The following ZGRF1 variants were observed in gnomAD, a reference collection of about 807,000 sequenced individuals.
The protein encoded by ZGRF1 is zinc finger GRF-type containing 1.
ZGRF1 carries 196 observed loss-of-function variants against 203.5 expected under a neutral mutation model. That is an observed-to-expected ratio of 0.96 (90% CI 0.86 to 1.08). The LOEUF (loss-of-function observed/expected upper bound fraction) is 1.08. Among genes scored for constraint, ZGRF1 ranks in the 50% least tolerant of loss-of-function variants. ZGRF1 has a pLI of 0.00. For missense variants in ZGRF1, 2,326 were observed against 2,416.3 expected (o/e 0.96, Z 0.78); for synonymous variants, 809 against 841.3 (o/e 0.96, Z 0.66).
At chr4:112,559,903 A>G (rs558310696) in intron 19 of ZGRF1, among the ~76,000 whole-genome samples, 1 of 152,310 alleles carries the variant, frequency 6.6e-6, no homozygotes, top group Non-Finnish European at 1.5e-5. Flanking sequence ...AAACTGGAGA[A>G]GAGACACTCA....
chr4:112,568,710 T>TG (rs1436502441), intron 16 of ZGRF1, among the ~76,000 whole-genome samples: 1 of 53,218 alleles, frequency 1.9e-5, no homozygotes, highest in Non-Finnish European at 3.7e-5. Flanking sequence ...AAACTCTGTC[T>TG]CAAAAAAAAA....
At chr4:112,624,100 G>C (rs2047150643) in intron 3 of ZGRF1, 3 of 356,372 alleles carry the variant, frequency 8.4e-6, no homozygotes, top group South Asian at 1.6e-4. Context: ...AACCCGCTCG[G>C]GTCCCCTTCC....
At chr4:112,566,521 AAAAT>A (rs1020474370) in intron 16 of ZGRF1, among the ~76,000 whole-genome samples, 16 of 150,036 alleles carry the variant, frequency 1.1e-4, no homozygotes, top group Non-Finnish European at 2.1e-4. Context: ...AAATAAATAA[AAAAT>A]AAATTTTTTA....
At position 112,547,195 on chromosome 4, in the gene ZGRF1, G is replaced by C; in HGVS notation, c.5598+90C>G. 2.3e-6 allele frequency: 3 copies of C among 1,299,408 alleles called. No individual in the cohort carries two copies. The South Asian group carries it at 4.9e-5, about 21-fold the overall frequency. 80.5% of individuals were successfully genotyped at this position (1,299,408 alleles called of 1,614,324 possible). On this transcript the variant is annotated intron_variant, in intron 24 of 27. Coordinates refer to ENST00000505019, the MANE Select transcript of ZGRF1 (RefSeq NM_018392.5). ...ATACATTATTTTAAGGCAGGACTAA[G>C]TCTTCTAATATTTTCATTCTCTATC...
intron 16 of ZGRF1, among the ~76,000 whole-genome samples, chr4:112,566,897 TACC>T (rs1453525526): frequency 6.6e-6 from 1 of 151,622 alleles, no homozygotes; most frequent in Non-Finnish European, 1.5e-5. Context: ...AAATAGGGCC[TACC>T]CATCCATAAG....
intron 9 of ZGRF1, among the ~76,000 whole-genome samples, chr4:112,605,126 G>A (rs1470343589): frequency 6.6e-6 from 1 of 151,258 alleles, no homozygotes; most frequent in Non-Finnish European, 1.5e-5. Flanking sequence ...GATGGGTAAT[G>A]TATACTCCCC....
Position 112,547,346 on chromosome 4 carries a change from C to A in ZGRF1, c.5537G>T (p.Gly1846Val). The A allele has an allele frequency of 6.2e-7, 1 of 1,613,544 alleles. No individual in the cohort carries two copies. The highest frequency in any genetic ancestry group is 1.1e-5 in the South Asian group (1 of 91,020). The change falls in exon 24 of 28, where the codon GGT becomes GTT. Residue 1846 changes from glycine to valine, a missense_variant. Transcript: ENST00000505019. The stretch of plus-strand genomic sequence containing the variant: ...TCCATTTTCATGAGCTGCATCAGAA[C>A]CCTGAATAGTAGGAGGTAGCTGTTT... ...DPKQLPPTIQ[G>V]SDAAHENGLE...
chr4:112,558,899 T>G (rs1031793650), intron 19 of ZGRF1, among the ~76,000 whole-genome samples: 3 of 152,152 alleles, frequency 2.0e-5, no homozygotes, highest in Non-Finnish European at 4.4e-5. Context: ...AGAAAATCTA[T>G]CTCTGTTTTG....
At position 112,579,229 on chromosome 4, in the gene ZGRF1, T is replaced by C. The variant is rs570631107; in HGVS notation, c.4438+2434A>G. ...TTTGACAAAATTCAACAACCGTTCATGCTAAAAACTCTCAATAAGTTAGGT... is the reference window on the plus strand; with the variant it reads ...TTTGACAAAATTCAACAACCGTTCACGCTAAAAACTCTCAATAAGTTAGGT... On this transcript the variant is annotated intron_variant, in intron 16 of 27. Coordinates refer to ENST00000505019, the MANE Select transcript of ZGRF1 (RefSeq NM_018392.5). 1.1e-4 allele frequency among the ~76,000 whole-genome samples: 14 copies of C among 123,426 alleles called. 4 individuals carry two copies. The highest frequency in any genetic ancestry group is 2.2e-4 in the Non-Finnish European group (12 of 55,224). The allele number at this position is 123,426 out of a possible 152,430, so 81.0% of individuals were successfully genotyped here. A position where few individuals can be genotyped will look rare whatever the true frequency, so the allele number is the denominator to read the frequency against.
intron 16 of ZGRF1, among the ~76,000 whole-genome samples, chr4:112,571,444 T>C (rs1310398627): frequency 6.6e-6 from 1 of 152,102 alleles, no homozygotes; most frequent in Non-Finnish European, 1.5e-5. Flanking sequence ...AAATTTAAGA[T>C]AAAAATATTC....
chr4:112,633,273 C>A (rs991062907), intron 1 of ZGRF1, 31 bp from the exon 2 acceptor site: 2 of 996,630 alleles, frequency 2.0e-6, no homozygotes, highest in Admixed American at 2.3e-5. Flanking sequence ...AAATTTCAAC[C>A]CTGATTTTTA....
In ZGRF1 at chr4:112,539,532, T is replaced by A. The variant is rs1433076896; in HGVS notation, c.*15A>T. ...CTGAATTTACATAAATACAAAATAT[T>A]TACACCATGTCTTTTTATGAATGAG... is the stretch of plus-strand genomic sequence containing the variant. On this transcript the variant is annotated 3_prime_UTR_variant, in exon 28 of 28. Coordinates refer to ENST00000505019, the MANE Select transcript of ZGRF1 (RefSeq NM_018392.5). 1 of 1,208,974 alleles carries A rather than the reference T, an allele frequency of 8.3e-7. No homozygotes were observed. Among genetic ancestry groups the A allele is most frequent in the Non-Finnish European group, 1.2e-6 (1 of 845,610 alleles). 74.9% of individuals were successfully genotyped at this position (1,208,974 alleles called of 1,614,324 possible).
chr4:112,568,512 A>G lies in ZGRF1; in HGVS notation c.4439-5238T>C, dbSNP rs186233219. On this transcript the variant is annotated intron_variant, in intron 16 of 27. Transcript: ENST00000505019. ...GATCACCTGAGGTCAGGAGTTCGACACCAGCCTGACCAACATGGTGAAACC... is the reference window on the plus strand; with the variant it reads ...GATCACCTGAGGTCAGGAGTTCGACGCCAGCCTGACCAACATGGTGAAACC... Among the ~76,000 whole-genome samples the G allele has an allele frequency of 4.9e-3, 731 of 150,078 alleles. 1 individual carries two copies. Among genetic ancestry groups the G allele is most frequent in the Non-Finnish European group, 8.4e-3 (567 of 67,606 alleles).
intron 10 of ZGRF1, among the ~76,000 whole-genome samples, chr4:112,592,550 T>A (rs1748358356): frequency 6.6e-6 from 1 of 152,152 alleles, no homozygotes; most frequent in Non-Finnish European, 1.5e-5. Flanking sequence ...TTCACATAAC[T>A]CTCTCTATCC....
intron 3 of ZGRF1, among the ~76,000 whole-genome samples, chr4:112,629,435 C>T (rs12502005): frequency 6.6e-6 from 1 of 152,278 alleles, no homozygotes; most frequent in Admixed American, 6.5e-5. Flanking sequence ...CTTTGGGAGG[C>T]CAAGGCAGGC....
intron 21 of ZGRF1, 125 bp from the exon 22 acceptor site, chr4:112,554,107 G>A: frequency 2.6e-6 from 2 of 773,196 alleles, no homozygotes; most frequent in Non-Finnish European, 4.0e-6. Context: ...CAATGTGCAG[G>A]TTTGTTACAT....
At position 112,619,410 on chromosome 4, in the gene ZGRF1, T is replaced by C. The variant is rs1210494342; in HGVS notation, c.632A>G (p.Asn211Ser). The change falls in exon 6 of 28, where the codon AAT becomes AGT. Residue 211 changes from asparagine (N) to serine (S), a missense_variant. Coordinates refer to ENST00000505019, the MANE Select transcript of ZGRF1 (RefSeq NM_018392.5). Reference protein sequence around the residue: ...QINPEVLCEENYFCSPVNSGN... With the variant: ...QINPEVLCEESYFCSPVNSGN... Reference sequence around the variant, plus strand: ...AGAATTGACAGGTGAGCAAAAATAATTTTCTTCACACAGCACTTCTGGGTT... The same window carrying C: ...AGAATTGACAGGTGAGCAAAAATAACTTTCTTCACACAGCACTTCTGGGTT... 1.2e-6 allele frequency: 2 copies of C among 1,613,258 alleles called. No homozygotes were observed. The highest frequency in any genetic ancestry group is 2.2e-5 in the East Asian group (1 of 44,848).
intron 10 of ZGRF1, among the ~76,000 whole-genome samples, chr4:112,592,903 G>A (rs970683534): frequency 7.9e-5 from 12 of 152,136 alleles, no homozygotes; most frequent in Admixed American, 1.3e-4. Flanking sequence ...ATAAGAGTGG[G>A]GCCCTTACCC....
At chr4:112,599,394 G>A (rs1749563815) in intron 10 of ZGRF1, among the ~76,000 whole-genome samples, 1 of 151,984 alleles carries the variant, frequency 6.6e-6, no homozygotes, top group African/African-American at 2.4e-5. Context: ...GTAAAAAAAT[G>A]AGAAGAATGA....
Sources: gnomAD v4.1 joint callset for allele counts (sites outside exome capture counted in the v4.1 genomes callset) on GRCh38, gnomAD v4.1.1 for gene constraint, MANE v1.5 for transcripts, NCBI Gene and HGNC (gene_info 2026-07-23, HGNC 2026-07-21) for gene names.